RANBP2: variants seen among roughly 807,000 people sequenced by gnomAD.
The protein encoded by RANBP2 is E3 SUMO-protein ligase RanBP2.
A neutral mutation model predicts 303.6 loss-of-function variants in RANBP2; 57 were observed. The observed-to-expected ratio is 0.19, with a 90% confidence interval of 0.15 to 0.23. The LOEUF (loss-of-function observed/expected upper bound fraction) is 0.23. Among genes scored for constraint, RANBP2 ranks in the 10% least tolerant of loss-of-function variants. The pLI, the probability that RANBP2 is intolerant of heterozygous loss-of-function variation, is 1.00. For synonymous variants in RANBP2, 1,167 were observed against 1,301.5 expected (o/e 0.90, Z 2.23); for missense variants, 3,138 against 3,780.8 (o/e 0.83, Z 4.46).
At chr2:108,727,887 G>A (rs1694858036) in intron 1 of RANBP2, among the ~76,000 whole-genome samples, 1 of 152,148 alleles carries the variant, frequency 6.6e-6, no homozygotes, top group Non-Finnish European at 1.5e-5. Flanking sequence ...ACAGGTGTGA[G>A]CCACCGCACC....
chr2:108,907,816 G>T, the RANBP2 span: 1 of 1,607,964 alleles, frequency 6.2e-7, no homozygotes, highest in Non-Finnish European at 8.5e-7. Context: ...GGCTGTGAGG[G>T]AGCCACATCT....
At chr2:108,816,087 T>C in the RANBP2 span, 1 of 1,610,208 alleles carries the variant, frequency 6.2e-7, no homozygotes, top group Non-Finnish European at 8.5e-7. Flanking sequence ...GAAATGATAT[T>C]CAGGAGAAGT....
chr2:109,416,102 A>G, the RANBP2 span, among the ~76,000 whole-genome samples: 1 of 152,230 alleles, frequency 6.6e-6, no homozygotes, highest in Non-Finnish European at 1.5e-5. Flanking sequence ...CTCCAGAACT[A>G]TAAGAAATAA....
At chr2:108,777,055 T>C in intron 24 of RANBP2, 75 bp from the exon 25 acceptor site, 2 of 1,191,038 alleles carry the variant, frequency 1.7e-6, no homozygotes, top group Non-Finnish European at 2.3e-6. Context: ...TCTACTGTTC[T>C]CTCTAGGTCC....
At chr2:109,524,467 C>CAAAAA in the RANBP2 span, among the ~76,000 whole-genome samples, 60 of 105,818 alleles carry the variant, frequency 5.7e-4, no homozygotes, top group African/African-American at 2.8e-3. Context: ...AAAAAAAAAA[C>CAAAAA]AAAACAACAC....
the RANBP2 span, among the ~76,000 whole-genome samples, chr2:109,230,208 C>A: frequency 2.6e-5 from 4 of 151,946 alleles, no homozygotes; most frequent in African/African-American, 4.8e-5. Context: ...TACGGACATT[C>A]CTCAACTTGG....
chr2:108,872,918 C>T, the RANBP2 span, among the ~76,000 whole-genome samples: 30 of 152,116 alleles, frequency 2.0e-4, no homozygotes, highest in Admixed American at 2.0e-3. Flanking sequence ...CATAAAAGTC[C>T]AGAGTCTCAT....
At chr2:109,042,383 G>A in the RANBP2 span, among the ~76,000 whole-genome samples, 7 of 151,920 alleles carry the variant, frequency 4.6e-5, no homozygotes, top group South Asian at 2.1e-4. Flanking sequence ...ATCTTGTTTC[G>A]GATTTGAATG....
the RANBP2 span, among the ~76,000 whole-genome samples, chr2:109,378,118 G>A: frequency 6.6e-6 from 1 of 152,292 alleles, no homozygotes; most frequent in African/African-American, 2.4e-5. Flanking sequence ...TCCCATGAGA[G>A]CCACAAGGGA....
the RANBP2 span, among the ~76,000 whole-genome samples, chr2:109,383,991 G>C: frequency 3.3e-5 from 5 of 152,138 alleles, no homozygotes; most frequent in African/African-American, 1.2e-4. Context: ...TTCAGGGCTG[G>C]CCCCTCACAA....
the RANBP2 span, among the ~76,000 whole-genome samples, chr2:109,647,448 C>T: frequency 1.3e-5 from 2 of 151,824 alleles, no homozygotes; most frequent in Non-Finnish European, 2.9e-5. Flanking sequence ...AGGCGTGAGC[C>T]ACCACACCCG....
the RANBP2 span, among the ~76,000 whole-genome samples, chr2:109,336,138 C>A: frequency 6.6e-6 from 1 of 152,144 alleles, no homozygotes; most frequent in Non-Finnish European, 1.5e-5. Context: ...TATTTAATAT[C>A]TTAAAGAAAG....
the RANBP2 span, among the ~76,000 whole-genome samples, chr2:109,201,815 T>C: frequency 6.6e-6 from 1 of 152,192 alleles, no homozygotes; most frequent in South Asian, 2.1e-4. Flanking sequence ...AGCTGATCTC[T>C]TGGGTTATTT....
chr2:109,411,168 A>G, the RANBP2 span, among the ~76,000 whole-genome samples: 382 of 152,238 alleles, frequency 2.5e-3, 10 homozygotes, highest in Non-Finnish European at 6.8e-4. Flanking sequence ...GCAACTCTCA[A>G]CCTCGTTATG....
the RANBP2 span, among the ~76,000 whole-genome samples, chr2:109,351,069 A>G: frequency 3.3e-5 from 5 of 152,378 alleles, no homozygotes; most frequent in East Asian, 9.6e-4. Flanking sequence ...AAGAGAATGA[A>G]TAATCAGTTT....
At chr2:108,848,309 A>T in the RANBP2 span, among the ~76,000 whole-genome samples, 1 of 152,204 alleles carries the variant, frequency 6.6e-6, no homozygotes, top group Non-Finnish European at 1.5e-5. Context: ...GCTCTCTGTC[A>T]CCACTTGTGT....
chr2:108,786,858 T>C, downstream of RANBP2: 1 of 1,592,390 alleles, frequency 6.3e-7, no homozygotes, highest in Non-Finnish European at 8.5e-7. Context: ...CGGGGCAGGA[T>C]TTAGTAGTGG....
chr2:108,858,890 T>G, the RANBP2 span, among the ~76,000 whole-genome samples: 2 of 152,168 alleles, frequency 1.3e-5, no homozygotes, highest in Non-Finnish European at 2.9e-5. Context: ...ATGGTGTATA[T>G]GTATCACATT....
chr2:108,860,847 G>A, the RANBP2 span, among the ~76,000 whole-genome samples: 4 of 149,592 alleles, frequency 2.7e-5, no homozygotes, highest in Non-Finnish European at 5.9e-5. Flanking sequence ...CCTCCTCCTC[G>A]ATATTTTGGA....
Sources: allele counts gnomAD v4.1 joint callset (sites outside exome capture counted in the v4.1 genomes callset), GRCh38; gene constraint gnomAD v4.1.1; transcripts MANE v1.5; gene names NCBI Gene and HGNC (gene_info 2026-07-23, HGNC 2026-07-21).